The following EAF2 variants were observed in gnomAD, a reference collection of about 807,000 sequenced individuals.
EAF2 encodes ELL-associated factor 2.
EAF2 carries 29 observed loss-of-function variants against 29.4 expected under a neutral mutation model. The observed-to-expected ratio is 0.99, with a 90% CI of 0.73 to 1.35. The LOEUF (loss-of-function observed/expected upper bound fraction) is 1.35, where lower values mean the gene tolerates loss of function less well. Ranked by LOEUF, EAF2 falls within the 40% of genes most tolerant of loss-of-function variation. The pLI, the probability that EAF2 is intolerant of heterozygous loss-of-function variation, is 0.00. For missense variants in EAF2, 292 were observed against 312.0 expected (o/e 0.94, Z 0.48); for synonymous variants, 103 against 102.5 (o/e 1.00, Z -0.03).
At chr3:121,854,665 T>C in intron 2 of EAF2, 22 bp from the exon 3 acceptor site, 2 of 1,499,084 alleles carry the variant, frequency 1.3e-6, no homozygotes, top group Non-Finnish European at 1.8e-6. Flanking sequence ...TTTTAAGTAA[T>C]AATAATTAAC....
intron 1 of EAF2, among the ~76,000 whole-genome samples, chr3:121,843,595 A>G (rs183972869): frequency 6.6e-6 from 1 of 152,208 alleles, no homozygotes; most frequent in African/African-American, 2.4e-5. Flanking sequence ...TAACACAGGG[A>G]ACTATATATC....
At chr3:121,844,265 C>T (rs1478850979) in intron 1 of EAF2, among the ~76,000 whole-genome samples, 188 bp from the exon 2 acceptor site, 1 of 151,968 alleles carries the variant, frequency 6.6e-6, no homozygotes, top group Non-Finnish European at 1.5e-5. Context: ...TCTTTTTTCT[C>T]AGAATTATGC....
chr3:121,867,536 G>T (rs1018217408), intron 4 of EAF2, among the ~76,000 whole-genome samples: 1 of 152,152 alleles, frequency 6.6e-6, no homozygotes, highest in Non-Finnish European at 1.5e-5. Context: ...TGTGAATTCT[G>T]TATCTACCAA....
At chr3:121,858,987 T>A (rs1270273286) in intron 4 of EAF2, among the ~76,000 whole-genome samples, 1 of 152,146 alleles carries the variant, frequency 6.6e-6, no homozygotes, top group Non-Finnish European at 1.5e-5. Flanking sequence ...TGTAGATGTG[T>A]GGTGTGATTT....
chr3:121,862,720 G>A (rs1304266149), intron 4 of EAF2, among the ~76,000 whole-genome samples: 2 of 152,146 alleles, frequency 1.3e-5, no homozygotes, highest in East Asian at 1.9e-4. Context: ...CATTGCTGGC[G>A]AGGAGCTGCA....
chr3:121,836,965 C>T (rs2107487184), intron 1 of EAF2, among the ~76,000 whole-genome samples: 1 of 152,286 alleles, frequency 6.6e-6, no homozygotes, highest in South Asian at 2.1e-4. Flanking sequence ...GCAGGTCCTT[C>T]ACAGCCTTTC....
At chr3:121,839,925 G>A (rs148770328) in intron 1 of EAF2, among the ~76,000 whole-genome samples, 98 of 152,326 alleles carry the variant, frequency 6.4e-4, no homozygotes, top group Admixed American at 1.2e-3. Flanking sequence ...CGGGCACCGT[G>A]CCTCACGCCT....
At chr3:121,842,003 CAAAAATAAAAA>C (rs1708443059) in intron 1 of EAF2, among the ~76,000 whole-genome samples, 1 of 149,706 alleles carries the variant, frequency 6.7e-6, no homozygotes, top group African/African-American at 2.5e-5. Flanking sequence ...GACTCCGTCT[CAAAAATAAAAA>C]AAAAATAAAA....
rs189237698 is a variant in EAF2 at position 121,879,030 on chromosome 3, T to A, written c.736+6242T>A. On this transcript the variant is annotated intron_variant, in intron 5 of 5. Coordinates refer to ENST00000273668, the MANE Select transcript of EAF2 (RefSeq NM_018456.6). The stretch of plus-strand genomic sequence containing the variant: ...CATTCCCTTTGTGTCCTTGTCAGCA[T>A]GTTATTTTTGTCTTTTCAATAATAG... Among the ~76,000 whole-genome samples, 3 of 152,300 alleles carry A rather than the reference T, an allele frequency of 2.0e-5. No homozygotes were observed. The East Asian group carries it at 5.8e-4, about 29-fold the overall frequency.
At position 121,857,084 on chromosome 3, in the gene EAF2, C is replaced by T; in HGVS notation, c.412C>T (p.Pro138Ser). The T allele has an allele frequency of 3.1e-6, 5 of 1,613,654 alleles. No homozygotes were observed. The highest frequency in any genetic ancestry group is 4.2e-6 in the Non-Finnish European group (5 of 1,179,650). ...ACAAATGTGGAATTCAGCCAGGACT[C>T]CCAATCTTGTAAAACATTCTCCATC... The part of the protein sequence containing the change: ...QQQMWNSART[P>S]NLVKHSPSED... Residue 138 changes from proline to serine, a missense_variant, in exon 4 of 6, where the codon CCC becomes TCC. Pro to Ser is a moderately conservative substitution (Grantham distance 74). Coordinates refer to ENST00000273668, the MANE Select transcript of EAF2 (RefSeq NM_018456.6).
chr3:121,879,287 C>A (rs1027555447), intron 5 of EAF2, among the ~76,000 whole-genome samples: 1 of 152,010 alleles, frequency 6.6e-6, no homozygotes, highest in Non-Finnish European at 1.5e-5. Flanking sequence ...GGTTTTTAAT[C>A]CCTTGTTGGA....
At chr3:121,839,898 A>G (rs1708377918) in intron 1 of EAF2, among the ~76,000 whole-genome samples, 1 of 152,190 alleles carries the variant, frequency 6.6e-6, no homozygotes, top group African/African-American at 2.4e-5. Context: ...ATGTCCACGA[A>G]AAGGTAAATA....
intron 1 of EAF2, among the ~76,000 whole-genome samples, chr3:121,843,068 T>C (rs549472431): frequency 6.6e-6 from 1 of 152,342 alleles, no homozygotes; most frequent in African/African-American, 2.4e-5. Context: ...ATGAAGAATA[T>C]ATTATAAAAA....
chr3:121,867,498 C>T (rs1264698028), intron 4 of EAF2, among the ~76,000 whole-genome samples: 1 of 152,096 alleles, frequency 6.6e-6, no homozygotes, highest in Middle Eastern at 3.2e-3. Flanking sequence ...TAATATATTT[C>T]AAGTGCTGAA....
intron 2 of EAF2, among the ~76,000 whole-genome samples, chr3:121,845,845 G>A (rs934853795): frequency 1.2e-4 from 18 of 152,182 alleles, no homozygotes; most frequent in African/African-American, 4.1e-4. Flanking sequence ...ATGTATCCAA[G>A]TAACGGTACC....
intron 5 of EAF2, chr3:121,873,107 C>T: frequency 1.5e-6 from 1 of 675,482 alleles, no homozygotes; most frequent in Non-Finnish European, 2.7e-6. Context: ...CAATTTCTCC[C>T]TAAATAACTT....
intron 5 of EAF2, among the ~76,000 whole-genome samples, chr3:121,882,229 A>G (rs1264759578): frequency 1.3e-5 from 2 of 151,770 alleles, no homozygotes; most frequent in Non-Finnish European, 2.9e-5. Flanking sequence ...CACACCCATA[A>G]TCCCAGCTAC....
intron 4 of EAF2, among the ~76,000 whole-genome samples, chr3:121,870,605 A>G (rs533913106): frequency 5.9e-5 from 9 of 152,308 alleles, no homozygotes; most frequent in African/African-American, 2.2e-4. Flanking sequence ...TGAAAAGCCT[A>G]GCTACAGACT....
At chr3:121,857,989 G>A (rs936837368) in intron 4 of EAF2, among the ~76,000 whole-genome samples, 7 of 152,192 alleles carry the variant, frequency 4.6e-5, no homozygotes, top group African/African-American at 1.7e-4. Flanking sequence ...TCCCTACAAA[G>A]GACGTGAACA....
Sources: gnomAD v4.1 joint callset for allele counts (sites outside exome capture counted in the v4.1 genomes callset) on GRCh38, gnomAD v4.1.1 for gene constraint, MANE v1.5 for transcripts, NCBI Gene and HGNC (gene_info 2026-07-23, HGNC 2026-07-21) for gene names.